SGPL1: variants seen among roughly 807,000 people sequenced by gnomAD.
The protein encoded by SGPL1 is sphingosine-1-phosphate lyase 1.
Under a neutral mutation model 68.9 loss-of-function variants are expected in SGPL1, and 37 were observed. The observed-to-expected ratio is 0.54, with a 90% CI of 0.41 to 0.71. The LOEUF (loss-of-function observed/expected upper bound fraction) is 0.71, where lower values mean the gene tolerates loss of function less well. Ranked by LOEUF, SGPL1 falls within the 30% of genes least tolerant of loss-of-function variation. The pLI is 0.00. For synonymous variants in SGPL1, 236 were observed against 248.5 expected, an observed-to-expected ratio of 0.95 and a Z score of 0.47; for missense variants, 551 against 704.6, an observed-to-expected ratio of 0.78 and a Z score of 2.47.
At chr10:70,873,706 T>A in intron 12 of SGPL1, 117 bp downstream of exon 12, 1 of 773,596 alleles carries the variant, frequency 1.3e-6, no homozygotes. Context: ...TCCTGCGATA[T>A]AGAGGGCTTA....
At chr10:70,832,080 A>G (rs757814013) in intron 2 of SGPL1, among the ~76,000 whole-genome samples, 10 of 152,228 alleles carry the variant, frequency 6.6e-5, no homozygotes, top group African/African-American at 9.6e-5. Context: ...ATATATACGT[A>G]TAACATCACA....
intron 2 of SGPL1, among the ~76,000 whole-genome samples, chr10:70,832,094 G>C (rs1484671255): frequency 1.3e-5 from 2 of 152,288 alleles, no homozygotes; most frequent in East Asian, 3.9e-4. Flanking sequence ...CATCACAGAA[G>C]CACACTTTCC....
chr10:70,831,016 G>A (rs1423867294), intron 2 of SGPL1, among the ~76,000 whole-genome samples: 1 of 152,144 alleles, frequency 6.6e-6, no homozygotes, highest in African/African-American at 2.4e-5. Context: ...CTCTGTCATA[G>A]GGGTAGGAAA....
At chr10:70,820,821 A>T (rs150540426) in intron 2 of SGPL1, among the ~76,000 whole-genome samples, 2 of 152,312 alleles carry the variant, frequency 1.3e-5, no homozygotes, top group Non-Finnish European at 2.9e-5. Context: ...GCATTTAATG[A>T]ATTATATTGA....
chr10:70,824,921 T>G (rs1186058309), intron 2 of SGPL1, among the ~76,000 whole-genome samples: 1 of 151,958 alleles, frequency 6.6e-6, no homozygotes, highest in Non-Finnish European at 1.5e-5. Flanking sequence ...AGGCACCAAG[T>G]TATCCTAAAA....
intron 2 of SGPL1, among the ~76,000 whole-genome samples, chr10:70,819,903 T>C (rs986200504): frequency 2.6e-4 from 40 of 152,146 alleles, no homozygotes; most frequent in African/African-American, 8.9e-4. Context: ...CCTCCCAAAG[T>C]GCTGGATTAC....
At chr10:70,852,698 A>ATG (rs1491413521) in intron 4 of SGPL1, among the ~76,000 whole-genome samples, 8 of 134,862 alleles carry the variant, frequency 5.9e-5, no homozygotes, top group Non-Finnish European at 9.5e-5. Context: ...AAAAAATTAC[A>ATG]TGTGTGTATG....
chr10:70,821,257 C>T (rs1845333538), intron 2 of SGPL1, among the ~76,000 whole-genome samples: 1 of 152,212 alleles, frequency 6.6e-6, no homozygotes, highest in African/African-American at 2.4e-5. Flanking sequence ...AGCAGCCTTT[C>T]TCCCCCTTGG....
intron 2 of SGPL1, among the ~76,000 whole-genome samples, chr10:70,842,344 A>G (rs1001828030): frequency 3.3e-5 from 5 of 152,234 alleles, no homozygotes; most frequent in African/African-American, 4.8e-5. Context: ...AAATTGCTTT[A>G]CAAAAGTTCC....
chr10:70,828,098 A>G (rs537578267), intron 2 of SGPL1, among the ~76,000 whole-genome samples: 1 of 152,188 alleles, frequency 6.6e-6, no homozygotes. Flanking sequence ...CTTCTTGAAC[A>G]TGTCTTGGTA....
intron 12 of SGPL1, among the ~76,000 whole-genome samples, chr10:70,874,930 A>G (rs1846358769): frequency 6.6e-6 from 1 of 152,076 alleles, no homozygotes; most frequent in South Asian, 2.1e-4. Context: ...CAAATAAATA[A>G]AAATTAGATA....
intron 2 of SGPL1, 60 bp downstream of exon 2, chr10:70,816,940 A>G (rs1463846175): frequency 6.6e-7 from 1 of 1,508,532 alleles, no homozygotes; most frequent in Non-Finnish European, 9.2e-7. Context: ...TTTTTAGTCC[A>G]AAGGATCCCA....
At chr10:70,844,437 A>G (rs755220268) in intron 2 of SGPL1, 36 bp from the exon 3 acceptor site, 5 of 1,587,434 alleles carry the variant, frequency 3.1e-6, no homozygotes, top group Non-Finnish European at 4.3e-6. Flanking sequence ...TTCTCTCTCT[A>G]AATGTAATGT....
chr10:70,858,925 C>G (rs1846005362), intron 6 of SGPL1, among the ~76,000 whole-genome samples: 1 of 152,150 alleles, frequency 6.6e-6, no homozygotes, highest in African/African-American at 2.4e-5. Context: ...GTACACACAC[C>G]TGATATTGCA....
intron 1 of SGPL1, among the ~76,000 whole-genome samples, chr10:70,816,349 AG>A (rs1157249724): frequency 6.8e-6 from 1 of 147,852 alleles, no homozygotes; most frequent in African/African-American, 2.5e-5. Context: ...GCGGGTCTGG[AG>A]CCCACGCCTG....
intron 2 of SGPL1, among the ~76,000 whole-genome samples, chr10:70,817,658 G>A (rs1352773829): frequency 6.6e-6 from 1 of 152,118 alleles, no homozygotes; most frequent in African/African-American, 2.4e-5. Context: ...TACCAGAGCA[G>A]TTTTGAAACC....
At chr10:70,871,233 ATT>A (rs3215323) in intron 10 of SGPL1, 87 bp downstream of exon 10, 3 of 796,856 alleles carry the variant, frequency 3.8e-6, no homozygotes, top group South Asian at 3.9e-5. Flanking sequence ...AATAGAAGCG[ATT>A]TTTTTTTTGT....
chr10:70,847,886 G>A (rs1845815976), intron 3 of SGPL1, among the ~76,000 whole-genome samples: 2 of 152,128 alleles, frequency 1.3e-5, no homozygotes, highest in African/African-American at 4.8e-5. Context: ...GAATTTTGCT[G>A]ATCTTCCAAC....
rs147785841 is a variant in SGPL1, at chr10:70,854,611, G to A, written c.262-97G>A. 160 of 985,612 alleles carry A rather than the reference G, an allele frequency of 1.6e-4. 1 individual carries two copies. The African/African-American group carries it at 2.2e-3, about 14-fold the overall frequency. 61.1% of individuals were successfully genotyped at this position (985,612 alleles called of 1,614,324 possible). A position where few individuals can be genotyped will look rare whatever the true frequency, so the allele number is the denominator to read the frequency against. ...AAATGTTAGTTTAGTTACTTGTGCG[G>A]TGCCTAGCATTGAGCAGTTGCTTGA... is the stretch of plus-strand genomic sequence containing the variant. On this transcript the variant is annotated intron_variant, in intron 4 of 14. Coordinates refer to ENST00000373202, the MANE Select transcript of SGPL1 (RefSeq NM_003901.4).
Sources: allele counts gnomAD v4.1 joint callset (sites outside exome capture counted in the v4.1 genomes callset), GRCh38; gene constraint gnomAD v4.1.1; transcripts MANE v1.5; gene names NCBI Gene and HGNC (gene_info 2026-07-23, HGNC 2026-07-21).